DGKG: variants seen among roughly 807,000 people sequenced by gnomAD.
DGKG encodes diacylglycerol kinase gamma.
DGKG carries 78 observed loss-of-function variants against 105.3 expected under a neutral mutation model. The observed-to-expected ratio is 0.74, with a 90% CI of 0.62 to 0.89. The LOEUF is 0.89. DGKG is among the 40% of genes least tolerant of loss of function. The pLI is 0.00. For synonymous variants in DGKG, 346 were observed against 367.1 expected (o/e 0.94, Z 0.66); for missense variants, 958 against 1,020.1 (o/e 0.94, Z 0.83).
chr3:186,320,377 C>A lies in DGKG; in HGVS notation c.67+16G>T. The A allele has an allele frequency of 6.2e-7, 1 of 1,614,056 alleles. No homozygotes were observed. The highest frequency in any genetic ancestry group is 2.2e-5 in the East Asian group (1 of 44,888). On this transcript the variant is annotated intron_variant, in intron 2 of 24. Coordinates refer to ENST00000265022, the MANE Select transcript of DGKG (RefSeq NM_001346.3). The stretch of plus-strand genomic sequence containing the variant: ...AGAAGAAATCCCGTCCCAGGGCTGT[C>A]AATGCATTTACTCACATTCTGAATA...
intron 1 of DGKG, among the ~76,000 whole-genome samples, chr3:186,331,984 G>A (rs1349045950): frequency 6.9e-6 from 1 of 144,058 alleles, no homozygotes; most frequent in East Asian, 2.1e-4. Flanking sequence ...AGTAAATGAT[G>A]AGACTGTATA....
At chr3:186,179,233 A>T (rs1022877793) in intron 22 of DGKG, among the ~76,000 whole-genome samples, 2 of 152,232 alleles carry the variant, frequency 1.3e-5, no homozygotes, top group Non-Finnish European at 2.9e-5. Flanking sequence ...TTTTATCAGA[A>T]CACAGCCGTG....
In DGKG at chr3:186,226,996, A is replaced by C. The variant is rs1160465218; in HGVS notation, c.1827-15111T>G. Among the ~76,000 whole-genome samples the C allele has an allele frequency of 6.6e-6, 1 of 152,236 alleles. No homozygotes were observed. Among genetic ancestry groups the C allele is most frequent in the Non-Finnish European group, 1.5e-5 (1 of 68,044 alleles). On this transcript the variant is annotated intron_variant, in intron 20 of 24. Transcript: ENST00000265022. This position sits in a 1 kb window ranked among gnomAD's most constrained non-coding sequence, Gnocchi z 4.2. ...GTGGTAAGCACCTCCTAACCCCTTC[A>C]AATTTAAACACTCCTACAATCTTCA...
chr3:186,260,570 C>A (rs1393903529), intron 15 of DGKG, 57 bp from the exon 16 acceptor site: 1 of 1,344,618 alleles, frequency 7.4e-7, no homozygotes, highest in Non-Finnish European at 1.1e-6. Flanking sequence ...AATATGTCAT[C>A]GTGAGAAGTC....
intron 21 of DGKG, among the ~76,000 whole-genome samples, chr3:186,202,151 C>T (rs1718498695): frequency 6.6e-6 from 1 of 152,298 alleles, no homozygotes; most frequent in Non-Finnish European, 1.5e-5. Flanking sequence ...TGAAATAAGA[C>T]AGAGCTTGCC....
intron 17 of DGKG, 166 bp downstream of exon 17, chr3:186,257,688 T>C (rs931752954): frequency 1.0e-5 from 6 of 576,392 alleles, no homozygotes; most frequent in African/African-American, 7.6e-5. Flanking sequence ...TTTCTTTTTT[T>C]TTTTTTTTTC....
chr3:186,264,388 C>T (rs761067231), intron 14 of DGKG, among the ~76,000 whole-genome samples: 6 of 152,070 alleles, frequency 3.9e-5, no homozygotes, highest in Non-Finnish European at 7.4e-5. Flanking sequence ...CTCAGCCTCC[C>T]GAGTAGCTGG....
At chr3:186,281,469 A>G (rs1722825953) in intron 7 of DGKG, among the ~76,000 whole-genome samples, 1 of 152,206 alleles carries the variant, frequency 6.6e-6, no homozygotes, top group Admixed American at 6.5e-5. Context: ...TGTCAAAGTT[A>G]GCACCATTTA....
intron 21 of DGKG, among the ~76,000 whole-genome samples, chr3:186,195,638 G>A (rs1377951189): frequency 6.6e-6 from 1 of 152,206 alleles, no homozygotes; most frequent in Non-Finnish European, 1.5e-5. Context: ...TGCGGCCCGA[G>A]ACTGCATTTC....
intron 17 of DGKG, among the ~76,000 whole-genome samples, chr3:186,254,694 T>A (rs896958216): frequency 6.6e-6 from 1 of 152,084 alleles, no homozygotes; most frequent in African/African-American, 2.4e-5. Context: ...AGTGCAGGTA[T>A]GATTCCTTCC....
chr3:186,228,728 G>T (rs1044588523), intron 20 of DGKG, among the ~76,000 whole-genome samples: 1 of 152,144 alleles, frequency 6.6e-6, no homozygotes, highest in Non-Finnish European at 1.5e-5. Flanking sequence ...TGTCTCCAGC[G>T]CTCATGCAAA....
intron 1 of DGKG, among the ~76,000 whole-genome samples, chr3:186,341,978 G>A (rs1020850262): frequency 1.3e-5 from 2 of 152,164 alleles, no homozygotes; most frequent in Admixed American, 1.3e-4. Context: ...AGGACACATG[G>A]ACACAGGAAG....
chr3:186,251,660 G>A (rs1721233404), intron 19 of DGKG, 99 bp downstream of exon 19: 3 of 1,419,850 alleles, frequency 2.1e-6, no homozygotes, highest in South Asian at 2.4e-5. Flanking sequence ...GGGCAGGTAA[G>A]ACAGGTAGAC....
In DGKG at chr3:186,252,037, G is replaced by C. The variant is rs1023344256; in HGVS notation, c.1601-118C>G. On this transcript the variant is annotated intron_variant, in intron 18 of 24. Transcript: ENST00000265022. ...ATCTGTGACTATGGGACTCCCCACTGTGTCTGTGGGCTAGAGACACTTACG... is the reference window on the plus strand; with the variant it reads ...ATCTGTGACTATGGGACTCCCCACTCTGTCTGTGGGCTAGAGACACTTACG... 11 of 944,060 alleles carry C rather than the reference G, an allele frequency of 1.2e-5. No individual in the cohort carries two copies. In the African/African-American group the frequency reaches 1.5e-4, roughly 13 times the overall value. 58.5% of individuals were successfully genotyped at this position (944,060 alleles called of 1,614,324 possible). A position where few individuals can be genotyped will look rare whatever the true frequency, so the allele number is the denominator to read the frequency against.
At chr3:186,292,858 G>C (rs1723374804) in intron 5 of DGKG, among the ~76,000 whole-genome samples, 1 of 151,848 alleles carries the variant, frequency 6.6e-6, no homozygotes, top group Admixed American at 6.6e-5. Context: ...AATACAGTCT[G>C]ATCCCAATTC....
At chr3:186,321,018 G>C (rs1725049893) in intron 1 of DGKG, among the ~76,000 whole-genome samples, 1 of 152,220 alleles carries the variant, frequency 6.6e-6, no homozygotes, top group Non-Finnish European at 1.5e-5. Context: ...TTAGGCTATT[G>C]GATGCTTCAT....
chr3:186,245,870 T>C (rs1308697765), intron 19 of DGKG, among the ~76,000 whole-genome samples: 1 of 152,000 alleles, frequency 6.6e-6, no homozygotes, highest in African/African-American at 2.4e-5. Flanking sequence ...TAACTTACCA[T>C]TTTCTAGTAG....
chr3:186,236,813 T>G (rs1467551137), intron 20 of DGKG, among the ~76,000 whole-genome samples: 1 of 152,208 alleles, frequency 6.6e-6, no homozygotes, highest in Non-Finnish European at 1.5e-5. Context: ...AGGAAATAAC[T>G]TGCTTCAGCC....
chr3:186,217,786 T>A (rs1411815704), intron 20 of DGKG, among the ~76,000 whole-genome samples: 1 of 152,212 alleles, frequency 6.6e-6, no homozygotes, highest in Non-Finnish European at 1.5e-5. Context: ...GGGGACCCTT[T>A]CCTGAGAATC....
Sources: gnomAD v4.1 joint callset for allele counts (sites outside exome capture counted in the v4.1 genomes callset) on GRCh38, gnomAD v4.1.1 for gene constraint, Gnocchi (gnomAD v3.1) non-coding constraint, MANE v1.5 for transcripts, NCBI Gene and HGNC (gene_info 2026-07-23, HGNC 2026-07-21) for gene names.